The following MAGT1 variants were observed in gnomAD, a reference collection of about 807,000 sequenced individuals.
MAGT1 encodes the protein magnesium transporter 1, also known as dolichyl-diphosphooligosaccharide--protein glycosyltransferase subunit MAGT1.
MAGT1 carries 4 observed loss-of-function variants against 28.4 expected under a neutral mutation model. That is an observed-to-expected ratio of 0.14 (90% CI 0.07 to 0.32). The LOEUF (loss-of-function observed/expected upper bound fraction) is 0.32. Ranked by LOEUF, MAGT1 falls within the 10% of genes least tolerant of loss-of-function variation. The pLI, the probability that MAGT1 is intolerant of heterozygous loss-of-function variation, is 1.00. For synonymous variants in MAGT1, 89 were observed against 89.7 expected (o/e 0.99, Z 0.04); for missense variants, 193 against 264.5 (o/e 0.73, Z 1.88).
At chrX:77,883,604 G>C (rs183848639) in intron 1 of MAGT1, among the ~76,000 whole-genome samples, 1 of 95,688 alleles carries the variant, frequency 1.0e-5, no homozygotes, top group Non-Finnish European at 2.1e-5. Flanking sequence ...TGTTGCCTAG[G>C]CTGGAGTGCA....
intron 1 of MAGT1, among the ~76,000 whole-genome samples, chrX:77,883,354 TTATAA>T (rs1400164852): frequency 9.4e-6 from 1 of 105,894 alleles, no homozygotes; most frequent in Admixed American, 1.1e-4. Flanking sequence ...GTAATATATA[TTATAA>T]TATATGTTAT....
chrX:77,858,199 GTTTATT>G (rs1164994762), intron 3 of MAGT1, among the ~76,000 whole-genome samples: 2 of 110,789 alleles, frequency 1.8e-5, no homozygotes, highest in Non-Finnish European at 3.8e-5. Context: ...TTATTTATTT[GTTTATT>G]TTTGAGATGG....
Position 77,870,863 on chromosome X carries a change from T to C in MAGT1, c.335A>G (p.Asn112Ser). 2.5e-6 allele frequency: 3 copies of C among 1,210,878 alleles called. No homozygotes were observed. In the South Asian group the frequency reaches 5.3e-5, roughly 21 times the overall value. ...NSWRYSSAFT[N>S]RIFFAMVDFD... ...ATCCACCATGGCAAAAAATATCCTG[T>C]TGGTGAATGCACTGGAGTATCGCCA... Residue 112 changes from asparagine to serine, a missense_variant, in exon 3 of 10, where the codon AAC (asparagine) becomes AGC (serine). Coordinates refer to ENST00000618282, the MANE Select transcript of MAGT1 (RefSeq NM_001367916.1).
chrX:77,859,975 A>G lies in MAGT1; in HGVS notation c.391-2478T>C, dbSNP rs371095313. ...TATCCATTTCCCTACATCCTTGCCA[A>G]AAGTTGATGTGATGGGTGAAGACTG... is the stretch of plus-strand genomic sequence containing the variant. On this transcript the variant is annotated intron_variant, in intron 3 of 9. Transcript: ENST00000618282. Among the ~76,000 whole-genome samples, 91 of 112,450 alleles carry G rather than the reference A, an allele frequency of 8.1e-4. 2 individuals are homozygous for G. In the South Asian group the frequency reaches 0.033, roughly 41 times the overall value.
At chrX:77,851,360 C>T (rs1316225570) in intron 7 of MAGT1, among the ~76,000 whole-genome samples, 8 of 108,302 alleles carry the variant, frequency 7.4e-5, no homozygotes, top group Non-Finnish European at 1.1e-4. Context: ...GGATTACAGG[C>T]GCCCGTCACC....
chrX:77,877,673 C>G (rs2077039184), intron 1 of MAGT1, among the ~76,000 whole-genome samples: 1 of 106,569 alleles, frequency 9.4e-6, no homozygotes, highest in Non-Finnish European at 1.9e-5. Flanking sequence ...ATTAGCCAGG[C>G]ATGGTGGTGG....
chrX:77,855,465 G>C (rs781924193), intron 6 of MAGT1, 36 bp downstream of exon 6: 2 of 997,267 alleles, frequency 2.0e-6, no homozygotes, highest in South Asian at 3.8e-5. Flanking sequence ...AGTTAACTTT[G>C]GTCTACAAAG....
intron 3 of MAGT1, among the ~76,000 whole-genome samples, 198 bp from the exon 4 acceptor site, chrX:77,857,695 C>T (rs1292434549): frequency 9.0e-6 from 1 of 111,537 alleles, no homozygotes; most frequent in African/African-American, 3.3e-5. Context: ...TTAAGTATTA[C>T]ATACTACTCA....
At chrX:77,843,219 T>C (rs1219580549) in intron 7 of MAGT1, among the ~76,000 whole-genome samples, 3 of 111,798 alleles carry the variant, frequency 2.7e-5, no homozygotes, top group African/African-American at 9.7e-5. Flanking sequence ...CCATCTTGCA[T>C]TCTTTTTTAA....
At chrX:77,892,121 C>T (rs1557219533) in intron 1 of MAGT1, among the ~76,000 whole-genome samples, 1 of 110,824 alleles carries the variant, frequency 9.0e-6, no homozygotes, top group Admixed American at 9.7e-5. Flanking sequence ...TCTTGAACTC[C>T]TGACCTCAAG....
intron 7 of MAGT1, among the ~76,000 whole-genome samples, chrX:77,844,899 G>A (rs782030643): frequency 7.2e-4 from 80 of 111,785 alleles, no homozygotes; most frequent in African/African-American, 1.4e-3. Context: ...GTTGTGTGGT[G>A]CTGCAAAGAA....
In MAGT1 at chrX:77,855,607, T is replaced by C. The variant is rs1313334685; in HGVS notation, c.673-17A>G. The C allele has an allele frequency of 5.5e-6, 6 of 1,100,137 alleles. No homozygotes were observed. Among genetic ancestry groups the C allele is most frequent in the Admixed American group, 2.2e-5 (1 of 45,146 alleles). 90.7% of individuals were successfully genotyped at this position (1,100,137 alleles called of 1,213,427 possible). A position where few individuals can be genotyped will look rare whatever the true frequency, so the allele number is the denominator to read the frequency against. ...CACAAAACACTAGGAAACAAAAAAA[T>C]AATAAAATATTCATGGTCAAACTGT... On this transcript the variant is annotated splice_polypyrimidine_tract_variant and intron_variant, in intron 5 of 9. Coordinates refer to ENST00000618282, the MANE Select transcript of MAGT1 (RefSeq NM_001367916.1).
At chrX:77,839,568 C>T (rs1290314080) in intron 8 of MAGT1, among the ~76,000 whole-genome samples, 4 of 103,139 alleles carry the variant, frequency 3.9e-5, no homozygotes, top group Admixed American at 1.1e-4. Context: ...AGTGCAGTGG[C>T]GTGATCTCGG....
intron 1 of MAGT1, among the ~76,000 whole-genome samples, chrX:77,889,941 C>A (rs2077077868): frequency 8.9e-6 from 1 of 112,074 alleles, no homozygotes; most frequent in African/African-American, 3.2e-5. Flanking sequence ...CCACCACCAC[C>A]CCCAGCTTCT....
intron 3 of MAGT1, among the ~76,000 whole-genome samples, chrX:77,863,893 G>A (rs782276218): frequency 4.5e-5 from 5 of 110,826 alleles, no homozygotes; most frequent in Non-Finnish European, 9.4e-5. Context: ...GCGTGGTGGC[G>A]CACACCTGTA....
Position 77,829,203 on chromosome X carries a change from A to G in MAGT1, c.*17T>C, listed in dbSNP as rs1569547753. On this transcript the variant is annotated 3_prime_UTR_variant, in exon 10 of 10. Transcript: ENST00000618282. ...CAATTTCCAGTACTCCAGTGTCTAT[A>G]TATCTCTGGGACCTTTTTAACTCAT... is the stretch of plus-strand genomic sequence containing the variant. The G allele has an allele frequency of 1.7e-6, 2 of 1,192,956 alleles. No homozygotes were observed. Among genetic ancestry groups the G allele is most frequent in the Non-Finnish European group, 2.3e-6 (2 of 879,850 alleles).
intron 7 of MAGT1, among the ~76,000 whole-genome samples, chrX:77,844,247 T>C (rs1417752713): frequency 2.7e-5 from 3 of 112,186 alleles, no homozygotes; most frequent in Non-Finnish European, 3.8e-5. Context: ...GAGGTGTTTA[T>C]AGTGTTCTCT....
intron 9 of MAGT1, among the ~76,000 whole-genome samples, chrX:77,829,590 C>T (rs1557213194): frequency 1.8e-5 from 2 of 110,913 alleles, no homozygotes; most frequent in African/African-American, 6.6e-5. Flanking sequence ...GGACTACAGG[C>T]ACATGACACT....
intron 1 of MAGT1, among the ~76,000 whole-genome samples, chrX:77,891,315 CATCT>C (rs79053193): frequency 1.1e-3 from 103 of 90,458 alleles, no homozygotes; most frequent in South Asian, 5.7e-3. Flanking sequence ...TCAGTTCCCT[CATCT>C]ATCTATCTAT....
Sources: gnomAD v4.1 joint callset for allele counts (sites outside exome capture counted in the v4.1 genomes callset) on GRCh38, gnomAD v4.1.1 for gene constraint, MANE v1.5 for transcripts, NCBI Gene and HGNC (gene_info 2026-07-23, HGNC 2026-07-21) for gene names.